Variants in HAO1 observed in about 807,000 individuals in gnomAD.
The protein encoded by HAO1 is 2-Hydroxyacid oxidase 1.
In HAO1, 34 loss-of-function variants were observed where a neutral mutation model predicts 39.7. The ratio of observed to expected loss-of-function variants is 0.86; its 90% CI spans 0.65 to 1.14. The LOEUF is 1.14. Among genes scored for constraint, HAO1 ranks in the 50% most tolerant of loss-of-function variants. The pLI is 0.00. For synonymous variants in HAO1, 172 were observed against 173.2 expected, an observed-to-expected ratio of 0.99 and a Z score of 0.05; for missense variants, 479 against 464.5, an observed-to-expected ratio of 1.03 and a Z score of -0.29.
intron 3 of HAO1, among the ~76,000 whole-genome samples, chr20:7,909,381 A>ATATATATATATG (rs1555774032): frequency 0.019 from 1,347 of 72,466 alleles, 16 homozygotes; most frequent in East Asian, 0.17. Flanking sequence ...ATATATATGT[A>ATATATATATATG]TATATATATA....
At chr20:7,935,176 C>A (rs549384731) in intron 1 of HAO1, among the ~76,000 whole-genome samples, 1 of 152,218 alleles carries the variant, frequency 6.6e-6, no homozygotes, top group African/African-American at 2.4e-5. Context: ...TGTTGTTGTA[C>A]GTGTCAATAG....
chr20:7,888,923 G>A (rs1206625998), intron 5 of HAO1, among the ~76,000 whole-genome samples: 2 of 152,120 alleles, frequency 1.3e-5, no homozygotes, highest in Admixed American at 1.3e-4. Flanking sequence ...TGGAAGATGT[G>A]AGACAATGCA....
At chr20:7,933,005 G>A (rs2050392338) in intron 2 of HAO1, among the ~76,000 whole-genome samples, 1 of 151,934 alleles carries the variant, frequency 6.6e-6, no homozygotes, top group Non-Finnish European at 1.5e-5. Flanking sequence ...CATACTGCCT[G>A]ATCTTAAAAT....
intron 4 of HAO1, among the ~76,000 whole-genome samples, chr20:7,896,932 G>C (rs996733809): frequency 6.6e-6 from 1 of 152,132 alleles, no homozygotes; most frequent in Non-Finnish European, 1.5e-5. Context: ...TCTTCTGTCT[G>C]AGTTGAATAT....
chr20:7,936,153 C>G (rs1207688343), intron 1 of HAO1, among the ~76,000 whole-genome samples: 1 of 152,114 alleles, frequency 6.6e-6, no homozygotes, highest in Non-Finnish European at 1.5e-5. Flanking sequence ...ACATCCAGTC[C>G]CTGAAAAGCA....
At chr20:7,899,893 T>C (rs2050213941) in intron 4 of HAO1, among the ~76,000 whole-genome samples, 1 of 152,204 alleles carries the variant, frequency 6.6e-6, no homozygotes, top group Non-Finnish European at 1.5e-5. Flanking sequence ...CATTGATTGA[T>C]AGACACAGTC....
intron 2 of HAO1, among the ~76,000 whole-genome samples, chr20:7,928,698 C>G (rs1224741611): frequency 2.0e-5 from 3 of 151,878 alleles, no homozygotes; most frequent in Non-Finnish European, 2.9e-5. Context: ...AAACATAATC[C>G]TAGAAAGTGA....
intron 2 of HAO1, among the ~76,000 whole-genome samples, chr20:7,925,381 A>AC (rs1031168663): frequency 2.6e-5 from 4 of 152,016 alleles, no homozygotes; most frequent in African/African-American, 9.7e-5. Context: ...CTGCCACTAC[A>AC]CCTCTAGACC....
chr20:7,916,122 GA>G (rs1348890351), intron 2 of HAO1, among the ~76,000 whole-genome samples: 10 of 152,126 alleles, frequency 6.6e-5, no homozygotes, highest in African/African-American at 2.4e-4. Context: ...AATAGTTTTA[GA>G]GGGTACTTGA....
At chr20:7,885,995 G>T in intron 5 of HAO1, 131 bp from the exon 6 acceptor site, 1 of 651,554 alleles carries the variant, frequency 1.5e-6, no homozygotes, top group Non-Finnish European at 2.6e-6. Flanking sequence ...GGGGTAAATG[G>T]TAAAATTATT....
intron 3 of HAO1, among the ~76,000 whole-genome samples, chr20:7,909,390 T>C: frequency 7.0e-6 from 1 of 143,808 alleles, no homozygotes; most frequent in East Asian, 2.0e-4. Context: ...TATATATATA[T>C]ATATATATAT....
intron 3 of HAO1, among the ~76,000 whole-genome samples, chr20:7,907,220 C>T (rs903577901): frequency 6.6e-6 from 1 of 152,170 alleles, no homozygotes; most frequent in African/African-American, 2.4e-5. Flanking sequence ...ATCTTCCAGA[C>T]AAGTTTGACA....
intron 2 of HAO1, among the ~76,000 whole-genome samples, chr20:7,930,434 T>G (rs368413951): frequency 4.6e-5 from 7 of 152,328 alleles, no homozygotes; most frequent in African/African-American, 1.7e-4. Flanking sequence ...TCTTACACTG[T>G]TACTTAAATT....
chr20:7,905,784 T>A (rs1419544659), intron 4 of HAO1, among the ~76,000 whole-genome samples: 1 of 152,108 alleles, frequency 6.6e-6, no homozygotes, highest in Non-Finnish European at 1.5e-5. Context: ...TGTCATAATA[T>A]CTCCTTGGGG....
intron 2 of HAO1, among the ~76,000 whole-genome samples, chr20:7,925,344 G>A (rs1252564510): frequency 2.0e-5 from 3 of 152,184 alleles, no homozygotes; most frequent in Admixed American, 6.5e-5. Flanking sequence ...GAACGAATCC[G>A]GAGCTATATA....
chr20:7,897,887 G>A (rs967337277), intron 4 of HAO1, among the ~76,000 whole-genome samples: 7 of 152,096 alleles, frequency 4.6e-5, no homozygotes, highest in African/African-American at 1.7e-4. Flanking sequence ...TTGTAAATTA[G>A]TTTCATTCTT....
At chr20:7,933,503 A>G in intron 2 of HAO1, among the ~76,000 whole-genome samples, 1 of 152,116 alleles carries the variant, frequency 6.6e-6, no homozygotes, top group Non-Finnish European at 1.5e-5. Context: ...TGAGGCCCCA[A>G]AGCCACTTAT....
intron 4 of HAO1, among the ~76,000 whole-genome samples, chr20:7,903,394 C>CA (rs1260642355): frequency 1.3e-5 from 2 of 150,684 alleles, no homozygotes; most frequent in South Asian, 2.1e-4. Context: ...TAAAATGTCA[C>CA]AAAAATATTT....
chr20:7,940,445 A>C lies in HAO1; in HGVS notation c.-23T>G, dbSNP rs776728152. 6.3e-7 allele frequency: 1 copy of C among 1,575,494 alleles called. No individual in the cohort carries two copies. Among genetic ancestry groups the C allele is most frequent in the South Asian group, 1.2e-5 (1 of 83,912 alleles). ...CATTTTCACAGGTTATTGCTATCCCAGATGGAGTTCGTTGTTTTTTTTTTT... is the reference window on the plus strand; with the variant it reads ...CATTTTCACAGGTTATTGCTATCCCCGATGGAGTTCGTTGTTTTTTTTTTT... On this transcript the variant is annotated 5_prime_UTR_variant, in exon 1 of 8. Coordinates refer to ENST00000378789, the MANE Select transcript of HAO1 (RefSeq NM_017545.3).
Sources: allele counts gnomAD v4.1 joint callset (sites outside exome capture counted in the v4.1 genomes callset), GRCh38; gene constraint gnomAD v4.1.1; transcripts MANE v1.5; gene names NCBI Gene and HGNC (gene_info 2026-07-23, HGNC 2026-07-21).